ABCB11: variants seen among roughly 807,000 people sequenced by gnomAD.
The protein encoded by ABCB11 is ATP binding cassette subfamily B member 11.
ABCB11 carries 95 observed loss-of-function variants against 148.0 expected under a neutral mutation model. The ratio of observed to expected loss-of-function variants is 0.64; its 90% confidence interval spans 0.54 to 0.76. ABCB11 has a LOEUF of 0.76. Among genes scored for constraint, ABCB11 ranks in the 30% least tolerant of loss-of-function variants. The pLI is 0.00. For synonymous variants in ABCB11, 591 were observed against 555.4 expected (o/e 1.06, Z -0.90); for missense variants, 1,523 against 1,617.8 (o/e 0.94, Z 1.01).
intron 19 of ABCB11, among the ~76,000 whole-genome samples, chr2:168,947,137 C>T (rs1429303021): frequency 1.3e-5 from 2 of 151,730 alleles, no homozygotes; most frequent in Admixed American, 6.6e-5. Context: ...ATTCATTAAC[C>T]TTTTGCTATG....
chr2:169,015,815 C>T (rs1178606140), intron 3 of ABCB11, among the ~76,000 whole-genome samples: 1 of 152,146 alleles, frequency 6.6e-6, no homozygotes, highest in African/African-American at 2.4e-5. Context: ...ATGTAAACTC[C>T]TCAAGGGCCA....
At chr2:168,944,832 C>G (rs1017537324) in intron 20 of ABCB11, 25 bp downstream of exon 20, 14 of 1,605,302 alleles carry the variant, frequency 8.7e-6, no homozygotes, top group Non-Finnish European at 1.2e-5. Flanking sequence ...AACTAAATCA[C>G]TTACTGAAAA....
chr2:169,021,028 T>A (rs1280531028), intron 1 of ABCB11, among the ~76,000 whole-genome samples: 1 of 152,008 alleles, frequency 6.6e-6, no homozygotes, highest in African/African-American at 2.4e-5. Context: ...AGTGGCTCAA[T>A]CTTGGCTCAC....
At chr2:168,990,753 A>G (rs1229319813) in intron 9 of ABCB11, 48 bp downstream of exon 9, 2 of 1,607,664 alleles carry the variant, frequency 1.2e-6, no homozygotes, top group Admixed American at 1.7e-5. Context: ...TCAGGGTACT[A>G]TGCTGATTGA....
At chr2:168,972,386 T>G (rs192031614) in intron 13 of ABCB11, among the ~76,000 whole-genome samples, 1 of 152,110 alleles carries the variant, frequency 6.6e-6, no homozygotes, top group East Asian at 1.9e-4. Context: ...TCTTTTGACT[T>G]TTGACAAAAA....
rs540086686 is a variant in ABCB11 at position 168,923,552 on chromosome 2, G to T, written c.*70C>A. 5 of 1,420,234 alleles carry T rather than the reference G, an allele frequency of 3.5e-6. 1 individual carries two copies. The highest frequency in any genetic ancestry group is 3.5e-5 in the South Asian group (3 of 85,578). The allele number at this position is 1,420,234 out of a possible 1,614,324, so 88.0% of individuals were successfully genotyped here. A position where few individuals can be genotyped will look rare whatever the true frequency, so the allele number is the denominator to read the frequency against. On this transcript the variant is annotated 3_prime_UTR_variant, in exon 28 of 28. Transcript: ENST00000650372. ...CAATCCCAGCAATCCCTCCTGCTGG[G>T]ATTGTTTTTTTCTTTAAAAACAACC... is the stretch of plus-strand genomic sequence containing the variant.
chr2:168,987,853 C>T (rs375552984), intron 9 of ABCB11, among the ~76,000 whole-genome samples: 26 of 152,150 alleles, frequency 1.7e-4, no homozygotes, highest in Admixed American at 1.7e-3. Context: ...TTGAATCATG[C>T]TGGCATTTCT....
chr2:168,991,209 C>T (rs1694510343), intron 8 of ABCB11, among the ~76,000 whole-genome samples: 1 of 152,118 alleles, frequency 6.6e-6, no homozygotes, highest in African/African-American at 2.4e-5. Context: ...GTGTTTCAGT[C>T]ATTATACTAA....
At chr2:168,977,530 C>T (rs1480575153) in intron 11 of ABCB11, among the ~76,000 whole-genome samples, 1 of 152,176 alleles carries the variant, frequency 6.6e-6, no homozygotes, top group Non-Finnish European at 1.5e-5. Context: ...AGGGCCTCTT[C>T]CTGCTACCAG....
chr2:168,994,822 G>C (rs1348501071), intron 7 of ABCB11, among the ~76,000 whole-genome samples: 1 of 152,012 alleles, frequency 6.6e-6, no homozygotes, highest in Non-Finnish European at 1.5e-5. Flanking sequence ...CCAGGTATTA[G>C]GCCATTGTGT....
intron 9 of ABCB11, among the ~76,000 whole-genome samples, chr2:168,988,242 T>A (rs1694393327): frequency 6.6e-6 from 1 of 152,050 alleles, no homozygotes; most frequent in African/African-American, 2.4e-5. Flanking sequence ...AAATTTTGAA[T>A]CCTTTGACCA....
chr2:168,950,149 ACAC>A (rs1692497242), intron 19 of ABCB11, among the ~76,000 whole-genome samples: 1 of 150,582 alleles, frequency 6.6e-6, no homozygotes, highest in South Asian at 2.1e-4. Context: ...ATACACACAC[ACAC>A]ACACACACAC....
intron 21 of ABCB11, among the ~76,000 whole-genome samples, chr2:168,938,561 T>C (rs1455660244): frequency 6.6e-6 from 1 of 152,126 alleles, no homozygotes; most frequent in Non-Finnish European, 1.5e-5. Flanking sequence ...GGGTACAGAA[T>C]TTCTCTTTGG....
intron 5 of ABCB11, among the ~76,000 whole-genome samples, chr2:169,007,358 C>T (rs545602094): frequency 1.3e-5 from 2 of 152,248 alleles, no homozygotes; most frequent in African/African-American, 4.8e-5. Context: ...CAAAGTGGAT[C>T]GTAGACTAAC....
At chr2:168,975,710 TC>T (rs1553467501) in intron 12 of ABCB11, among the ~76,000 whole-genome samples, 1 of 26,468 alleles carries the variant, frequency 3.8e-5, no homozygotes, top group Non-Finnish European at 9.3e-5. Context: ...ATGTTTACCT[TC>T]TCTCTGTATA....
chr2:168,992,541 A>G (rs770408126), intron 8 of ABCB11, among the ~76,000 whole-genome samples: 6 of 152,136 alleles, frequency 3.9e-5, no homozygotes, highest in Non-Finnish European at 7.4e-5. Context: ...TAGTGGATTG[A>G]AAAACATATA....
Position 168,968,509 on chromosome 2 carries a change from G to T in ABCB11, c.2012-19C>A, listed in dbSNP as rs773124254. 9 of 1,602,318 alleles carry T rather than the reference G, an allele frequency of 5.6e-6. No homozygotes were observed. In the East Asian group the frequency reaches 2.0e-4, roughly 36 times the overall value. On this transcript the variant is annotated intron_variant, in intron 16 of 27. Transcript: ENST00000650372. The stretch of plus-strand genomic sequence containing the variant: ...GTTGCATCTACTCAACACAGCATGA[G>T]CAATTTTTTAGTATATACAATAAAC...
intron 5 of ABCB11, among the ~76,000 whole-genome samples, chr2:168,999,391 C>G (rs571875012): frequency 5.3e-5 from 8 of 151,904 alleles, no homozygotes; most frequent in South Asian, 2.1e-4. Context: ...CAATATCACA[C>G]CCAGGATATT....
chr2:168,923,929 G>A lies in ABCB11; in HGVS notation c.3766-107C>T, dbSNP rs1283517737. ...CCTGAATAACAATCCTATACTTGAC[G>A]GCAAACCCAAAGGCTCAACATAAGA... On this transcript the variant is annotated intron_variant, in intron 27 of 27. Transcript: ENST00000650372. 8.6e-6 allele frequency: 9 copies of A among 1,048,508 alleles called. No homozygotes were observed. In the East Asian group the frequency reaches 1.5e-4, roughly 18 times the overall value. 65.0% of individuals were successfully genotyped at this position (1,048,508 alleles called of 1,614,324 possible). A position where few individuals can be genotyped will look rare whatever the true frequency, so the allele number is the denominator to read the frequency against.
Sources: allele counts gnomAD v4.1 joint callset (sites outside exome capture counted in the v4.1 genomes callset), GRCh38; gene constraint gnomAD v4.1.1; transcripts MANE v1.5; gene names NCBI Gene and HGNC (gene_info 2026-07-23, HGNC 2026-07-21).